KIF6: variants seen among roughly 807,000 people sequenced by gnomAD.
The protein encoded by KIF6 is kinesin-like protein KIF6.
Under a neutral mutation model 112.7 loss-of-function variants are expected in KIF6, and 106 were observed. The observed-to-expected ratio is 0.94, with a 90% CI of 0.80 to 1.11. The LOEUF (loss-of-function observed/expected upper bound fraction) is 1.11, where lower values mean the gene tolerates loss of function less well. KIF6 is among the 50% of genes least tolerant of loss of function. KIF6 has a pLI of 0.00. For missense variants in KIF6, 929 were observed against 964.0 expected, an observed-to-expected ratio of 0.96 and a Z score of 0.48; for synonymous variants, 339 against 339.9, an observed-to-expected ratio of 1.00 and a Z score of 0.03.
intron 5 of KIF6, among the ~76,000 whole-genome samples, chr6:39,624,836 T>C (rs1193622362): frequency 7.3e-6 from 1 of 136,126 alleles, no homozygotes; most frequent in Non-Finnish European, 1.5e-5. Flanking sequence ...GCATCACTTA[T>C]TAGGCAATGG....
chr6:39,365,723 C>T (rs1370070105), intron 16 of KIF6, among the ~76,000 whole-genome samples: 1 of 152,174 alleles, frequency 6.6e-6, no homozygotes, highest in Non-Finnish European at 1.5e-5. Context: ...CACTTTTGTC[C>T]CCACCCCAAG....
chr6:39,551,144 T>C (rs1389810302), intron 10 of KIF6, among the ~76,000 whole-genome samples: 1 of 152,232 alleles, frequency 6.6e-6, no homozygotes, highest in Non-Finnish European at 1.5e-5. Context: ...GCAGTTCTAG[T>C]TTTAGTTTTT....
chr6:39,467,046 G>A (rs1449033277), intron 13 of KIF6, among the ~76,000 whole-genome samples: 1 of 152,172 alleles, frequency 6.6e-6, no homozygotes. Flanking sequence ...ACAGGACAAG[G>A]CAGGCATAAC....
chr6:39,421,394 C>T (rs1770351703), intron 14 of KIF6, among the ~76,000 whole-genome samples: 1 of 152,192 alleles, frequency 6.6e-6, no homozygotes, highest in South Asian at 2.1e-4. Flanking sequence ...TCCCCTCCTC[C>T]TCCGCACTCT....
chr6:39,497,215 C>A (rs1432279079), intron 13 of KIF6, among the ~76,000 whole-genome samples: 1 of 152,224 alleles, frequency 6.6e-6, no homozygotes, highest in Non-Finnish European at 1.5e-5. Flanking sequence ...AACATAAACA[C>A]CCAGCATTAT....
intron 13 of KIF6, among the ~76,000 whole-genome samples, chr6:39,470,896 C>G (rs2150439410): frequency 6.6e-6 from 1 of 151,308 alleles, no homozygotes; most frequent in African/African-American, 2.4e-5. Flanking sequence ...TTAAGATGAT[C>G]AGGTTTTTCC....
intron 3 of KIF6, among the ~76,000 whole-genome samples, chr6:39,655,355 TA>T (rs1179509929): frequency 6.6e-6 from 1 of 152,168 alleles, no homozygotes; most frequent in Non-Finnish European, 1.5e-5. Flanking sequence ...TATTTCCATT[TA>T]ATCATATTAA....
chr6:39,531,456 G>C (rs1460991914), intron 13 of KIF6, among the ~76,000 whole-genome samples: 1 of 152,114 alleles, frequency 6.6e-6, no homozygotes, highest in Non-Finnish European at 1.5e-5. Context: ...CACAACAAGG[G>C]GCTGGGCAGT....
At chr6:39,404,856 G>T (rs936065021) in intron 15 of KIF6, among the ~76,000 whole-genome samples, 1 of 151,348 alleles carries the variant, frequency 6.6e-6, no homozygotes, top group East Asian at 1.9e-4. Flanking sequence ...ATTAGAGTTT[G>T]TTGGGTTTCA....
rs201646586 is a variant in KIF6, at chr6:39,639,595, C to A, written c.399+15G>T. On this transcript the variant is annotated intron_variant, in intron 4 of 22. Transcript: ENST00000287152. ...TATATCAAATACAAAATGATATGAA[C>A]GAAAAGTTTCATACCTTTTGTAACT... 2.7e-5 allele frequency: 42 copies of A among 1,529,886 alleles called. No homozygotes were observed. The African/African-American group carries it at 4.9e-4, about 18-fold the overall frequency. 94.8% of individuals were successfully genotyped at this position (1,529,886 alleles called of 1,614,324 possible).
intron 14 of KIF6, among the ~76,000 whole-genome samples, chr6:39,420,958 CT>C (rs1225807609): frequency 1.3e-5 from 2 of 152,168 alleles, no homozygotes; most frequent in African/African-American, 4.8e-5. Flanking sequence ...GATGAGCCAA[CT>C]TTGCGCTAGA....
chr6:39,360,674 C>T (rs56731267), intron 17 of KIF6, 144 bp from the exon 18 acceptor site: 144,910 of 844,670 alleles, frequency 0.17, 14,394 homozygotes, highest in East Asian at 0.36. Flanking sequence ...ATAGGAGCTT[C>T]GGAGGCCAGG....
chr6:39,379,632 A>G (rs978834306), intron 16 of KIF6, among the ~76,000 whole-genome samples: 8 of 152,218 alleles, frequency 5.3e-5, no homozygotes, highest in African/African-American at 1.7e-4. Context: ...TTTTGTGGCT[A>G]CAGTGGGAAG....
chr6:39,469,516 A>G (rs1178223325), intron 13 of KIF6, among the ~76,000 whole-genome samples: 1 of 152,162 alleles, frequency 6.6e-6, no homozygotes, highest in Non-Finnish European at 1.5e-5. Context: ...CTATGTTATT[A>G]GACAAAGTAG....
chr6:39,679,614 CTTTTTTTTTT>C (rs55936243), intron 3 of KIF6, among the ~76,000 whole-genome samples: 2 of 106,504 alleles, frequency 1.9e-5, no homozygotes, highest in African/African-American at 6.7e-5. Flanking sequence ...CTTTTCTTTT[CTTTTTTTTTT>C]TTTTTTTTTG....
intron 22 of KIF6, among the ~76,000 whole-genome samples, chr6:39,341,554 G>A (rs1447429839): frequency 6.6e-6 from 1 of 152,152 alleles, no homozygotes; most frequent in African/African-American, 2.4e-5. Flanking sequence ...CAGACATGAT[G>A]ACTTGCATAT....
intron 13 of KIF6, among the ~76,000 whole-genome samples, chr6:39,498,838 G>GT (rs1775945550): frequency 6.6e-6 from 1 of 152,086 alleles, no homozygotes; most frequent in Non-Finnish European, 1.5e-5. Flanking sequence ...TTTGACTAGC[G>GT]TACTTACTGA....
At chr6:39,365,842 C>G (rs968854517) in intron 16 of KIF6, among the ~76,000 whole-genome samples, 6 of 152,302 alleles carry the variant, frequency 3.9e-5, no homozygotes, top group African/African-American at 1.4e-4. Flanking sequence ...GGAAGGGCTG[C>G]TGGACTCACA....
chr6:39,397,495 T>C (rs1262201485), intron 15 of KIF6, among the ~76,000 whole-genome samples: 1 of 152,002 alleles, frequency 6.6e-6, no homozygotes, highest in East Asian at 1.9e-4. Flanking sequence ...AGACGGTGCT[T>C]TTCAGGAGTG....
Sources: gnomAD v4.1 joint callset for allele counts (sites outside exome capture counted in the v4.1 genomes callset) on GRCh38, gnomAD v4.1.1 for gene constraint, MANE v1.5 for transcripts, NCBI Gene and HGNC (gene_info 2026-07-23, HGNC 2026-07-21) for gene names.